NAA15: variants seen among roughly 807,000 people sequenced by gnomAD.
NAA15 encodes N-terminal acetyltransferase.
Under a neutral mutation model 114.0 loss-of-function variants are expected in NAA15, and 34 were observed. The observed-to-expected ratio is 0.30, with a 90% confidence interval of 0.23 to 0.40. The LOEUF (loss-of-function observed/expected upper bound fraction) is 0.40, where lower values mean the gene tolerates loss of function less well. Ranked by LOEUF, NAA15 falls within the 10% of genes least tolerant of loss-of-function variation. NAA15 has a pLI of 1.00. For missense variants in NAA15, 658 were observed against 1,004.5 expected, an observed-to-expected ratio of 0.66 and a Z score of 4.66; for synonymous variants, 340 against 338.0, an observed-to-expected ratio of 1.01 and a Z score of -0.06.
At chr4:139,386,015 TC>T in intron 18 of NAA15, 117 bp from the exon 19 acceptor site, 1 of 532,478 alleles carries the variant, frequency 1.9e-6, no homozygotes, top group Non-Finnish European at 3.4e-6. Context: ...TTCCCATTCT[TC>T]TAATAAAGTG....
chr4:139,341,384 A>G (rs1332914877), intron 4 of NAA15, among the ~76,000 whole-genome samples: 1 of 151,846 alleles, frequency 6.6e-6, no homozygotes, highest in Admixed American at 6.6e-5. Flanking sequence ...TCATGAGGTC[A>G]GGAGATCGAG....
At chr4:139,337,815 C>T (rs1444069098) in intron 3 of NAA15, among the ~76,000 whole-genome samples, 2 of 152,128 alleles carry the variant, frequency 1.3e-5, no homozygotes, top group Non-Finnish European at 2.9e-5. Flanking sequence ...AAGGAAGATA[C>T]TGATTAGAAA....
chr4:139,315,038 T>TC (rs1560952966), intron 1 of NAA15, among the ~76,000 whole-genome samples: 13 of 121,638 alleles, frequency 1.1e-4, no homozygotes, highest in African/African-American at 5.8e-4. Flanking sequence ...TAGGTTAGGT[T>TC]AGGTTAGGTT....
In NAA15 at chr4:139,301,630, AGGGCAACGC is replaced by A. The variant is rs1341635577; in HGVS notation, c.-145_-137del. ...ACGAGGAAAAAGGAGGTGTCCGGGT[AGGGCAACGC>A]GGCGACACCCGAGGCCTGGTGGTGG... On this transcript the variant is annotated 5_prime_UTR_variant, in exon 1 of 20. Coordinates refer to ENST00000296543, the MANE Select transcript of NAA15 (RefSeq NM_057175.5). The A allele has an allele frequency of 6.3e-6, 5 of 799,398 alleles. No individual in the cohort carries two copies. The highest frequency in any genetic ancestry group is 9.9e-6 in the Non-Finnish European group (5 of 506,608). The allele number at this position is 799,398 out of a possible 1,614,324, so 49.5% of individuals were successfully genotyped here.
chr4:139,378,855 G>T lies in NAA15; in HGVS notation c.2155+1G>T, dbSNP rs2110994857. 1 of 1,536,224 alleles carries T rather than the reference G, an allele frequency of 6.5e-7. No homozygotes were observed. On this transcript the variant is annotated splice_donor_variant, in intron 17 of 19. Coordinates refer to ENST00000296543, the MANE Select transcript of NAA15 (RefSeq NM_057175.5). LOFTEE classifies it high-confidence loss of function. ...TGTATGATTCGTCTCTTTAATACTG[G>T]TATGTTTTTGTTTTCCATTACTTAA...
chr4:139,318,337 C>T (rs573602459), intron 1 of NAA15: 112 of 151,984 alleles, frequency 7.4e-4, no homozygotes, highest in African/African-American at 2.4e-3. Flanking sequence ...TCGGTTCCCC[C>T]GTTTGTTTTT....
chr4:139,378,254 A>C (rs1373449136), intron 16 of NAA15, among the ~76,000 whole-genome samples: 29 of 152,156 alleles, frequency 1.9e-4, no homozygotes, highest in Admixed American at 1.1e-3. Context: ...GGGTGTGGGG[A>C]TAGCATAGGG....
chr4:139,346,488 A>G (rs941466254), intron 6 of NAA15, among the ~76,000 whole-genome samples: 2 of 152,164 alleles, frequency 1.3e-5, no homozygotes, highest in African/African-American at 4.8e-5. Flanking sequence ...GGGAGAAGAT[A>G]AGATGGTCAA....
intron 12 of NAA15, 131 bp downstream of exon 12, chr4:139,360,026 T>C: frequency 2.5e-6 from 2 of 811,886 alleles, no homozygotes; most frequent in Non-Finnish European, 3.6e-6. Flanking sequence ...TTTAATTAAA[T>C]CACTGTATCA....
At chr4:139,364,137 A>G (rs752217223) in intron 14 of NAA15, among the ~76,000 whole-genome samples, 1 of 152,194 alleles carries the variant, frequency 6.6e-6, no homozygotes, top group Non-Finnish European at 1.5e-5. Context: ...TGGTCTCCCA[A>G]ATTGTTGGGA....
At chr4:139,308,995 A>G (rs977397465) in intron 1 of NAA15, among the ~76,000 whole-genome samples, 2 of 152,182 alleles carry the variant, frequency 1.3e-5, no homozygotes, top group African/African-American at 4.8e-5. Context: ...GCTATTTTAT[A>G]TATGTGTATA....
intron 6 of NAA15, 144 bp from the exon 7 acceptor site, chr4:139,349,318 C>T: frequency 1.6e-6 from 1 of 642,454 alleles, no homozygotes; most frequent in Non-Finnish European, 2.5e-6. Context: ...GGTAAATGAT[C>T]TTAAGGGAAC....
chr4:139,385,272 TATATATATATAATATATATATATATATA>T (rs1267873948), intron 18 of NAA15, among the ~76,000 whole-genome samples: 1 of 98,760 alleles, frequency 1.0e-5, no homozygotes, highest in Non-Finnish European at 2.0e-5. Flanking sequence ...AAACCAAACA[TATATATATATAATATATATATATATATA>T]ATATATATTA....
At chr4:139,333,583 C>T (rs759229154) in intron 1 of NAA15, among the ~76,000 whole-genome samples, 29 of 152,186 alleles carry the variant, frequency 1.9e-4, no homozygotes, top group Admixed American at 6.5e-5. Flanking sequence ...AGAAAATGTT[C>T]TTTAGAAAAC....
At chr4:139,348,407 C>T (rs926847637) in intron 6 of NAA15, among the ~76,000 whole-genome samples, 9 of 149,324 alleles carry the variant, frequency 6.0e-5, no homozygotes, top group African/African-American at 1.2e-4. Flanking sequence ...CATGATCGAT[C>T]GCACCACTGC....
Position 139,316,022 on chromosome 4 carries a change from C to T in NAA15, c.54+14191C>T, listed in dbSNP as rs551378220. On this transcript the variant is annotated intron_variant, in intron 1 of 19. Transcript: ENST00000296543. ...CTGTGATTTTTTGAAGTTATATTTACTTTGTGAGAGTATGTCATTTTACAT... is the reference window on the plus strand; with the variant it reads ...CTGTGATTTTTTGAAGTTATATTTATTTTGTGAGAGTATGTCATTTTACAT... Among the ~76,000 whole-genome samples, 48 of 151,120 alleles carry T rather than the reference C, an allele frequency of 3.2e-4. 1 individual carries two copies. The highest frequency in any genetic ancestry group is 1.1e-3 in the African/African-American group (44 of 41,114).
At chr4:139,338,614 A>C (rs1348703343) in intron 3 of NAA15, among the ~76,000 whole-genome samples, 1 of 151,846 alleles carries the variant, frequency 6.6e-6, no homozygotes, top group African/African-American at 2.4e-5. Context: ...AGCCTGGCTA[A>C]TTTTTGTATT....
intron 7 of NAA15, among the ~76,000 whole-genome samples, chr4:139,350,828 A>G (rs1747755046): frequency 6.6e-6 from 1 of 152,200 alleles, no homozygotes; most frequent in African/African-American, 2.4e-5. Flanking sequence ...TTTTAATTGA[A>G]TGGAAGAGAG....
intron 3 of NAA15, among the ~76,000 whole-genome samples, chr4:139,339,351 G>T (rs972413099): frequency 6.6e-6 from 1 of 152,136 alleles, no homozygotes; most frequent in African/African-American, 2.4e-5. Context: ...AAAATTAACT[G>T]CATGTGGTGG....
Sources: allele counts gnomAD v4.1 joint callset (sites outside exome capture counted in the v4.1 genomes callset), GRCh38; gene constraint gnomAD v4.1.1; transcripts MANE v1.5; gene names NCBI Gene and HGNC (gene_info 2026-07-23, HGNC 2026-07-21).